ZSCAN1: variants seen among roughly 807,000 people sequenced by gnomAD.
ZSCAN1 encodes zinc finger and SCAN domain containing 1.
In ZSCAN1, 23 loss-of-function variants were observed where a neutral mutation model predicts 23.8. The ratio of observed to expected loss-of-function variants is 0.97; its 90% CI spans 0.70 to 1.37. The LOEUF is 1.37. Among genes scored for constraint, ZSCAN1 ranks in the 40% most tolerant of loss-of-function variants. The pLI is 0.00. For synonymous variants in ZSCAN1, 236 were observed against 232.3 expected (o/e 1.02, Z -0.15); for missense variants, 575 against 554.0 (o/e 1.04, Z -0.38).
chr19:58,040,578 AC>A lies in ZSCAN1; in HGVS notation c.465+38del. On this transcript the variant is annotated intron_variant, in intron 4 of 5. Transcript: ENST00000282326. This position sits in a 1 kb window ranked among gnomAD's most constrained non-coding sequence, Gnocchi z 5.8. The stretch of plus-strand genomic sequence containing the variant: ...GGGGCCCCCAGCTCCGTGCTCCTGC[AC>A]CCCAGGGCATGCGTGCCGCTTCTGG... The A allele has an allele frequency of 6.2e-7, 1 of 1,603,952 alleles. No homozygotes were observed. The highest frequency in any genetic ancestry group is 1.1e-5 in the South Asian group (1 of 90,902).
At chr19:58,034,500 C>T (rs964460851) in intron 1 of ZSCAN1, among the ~76,000 whole-genome samples, 11 of 152,022 alleles carry the variant, frequency 7.2e-5, no homozygotes, top group African/African-American at 2.7e-4. Context: ...TACGTACCCC[C>T]ATTGCCCGCC....
chr19:58,037,147 G>A (rs936748991), intron 2 of ZSCAN1, among the ~76,000 whole-genome samples: 11 of 152,174 alleles, frequency 7.2e-5, no homozygotes, highest in African/African-American at 2.7e-4. Context: ...TGGTGGTGGT[G>A]TCATCCATTA....
intron 4 of ZSCAN1, among the ~76,000 whole-genome samples, chr19:58,042,672 C>T (rs1270373225): frequency 4.6e-5 from 7 of 152,188 alleles, no homozygotes; most frequent in African/African-American, 1.4e-4. Flanking sequence ...TTGTTGGCCA[C>T]GGGCTTCCTC....
Position 58,037,719 on chromosome 19 carries a change from T to C in ZSCAN1, c.-109-9T>C, listed in dbSNP as rs752289069. 1,175 of 1,307,748 alleles carry C rather than the reference T, an allele frequency of 9.0e-4. No individual in the cohort carries two copies. Among genetic ancestry groups the C allele is most frequent in the Non-Finnish European group, 1.1e-3 (1,112 of 986,892 alleles). 81.0% of individuals were successfully genotyped at this position (1,307,748 alleles called of 1,614,324 possible). ...GATGTGACCCCTCTGTCCCTGCCCC[T>C]CTCTGCAGGCCCCTGATTGCTGATT... On this transcript the variant is annotated splice_polypyrimidine_tract_variant and intron_variant, in intron 2 of 5. Coordinates refer to ENST00000282326, the MANE Select transcript of ZSCAN1 (RefSeq NM_182572.4).
At position 58,040,683 on chromosome 19, in the gene ZSCAN1, C is replaced by T; in HGVS notation, c.465+139C>T. On this transcript the variant is annotated intron_variant, in intron 4 of 5. Coordinates refer to ENST00000282326, the MANE Select transcript of ZSCAN1 (RefSeq NM_182572.4). This position sits in a 1 kb window ranked among gnomAD's most constrained non-coding sequence, Gnocchi z 5.8. ...CCCAGGAAGCCCGGCCTCCAAACTC[C>T]CCGCCTGCCCCACAGATTCCCCAAG... 2.6e-6 allele frequency: 2 copies of T among 755,584 alleles called. No individual in the cohort carries two copies. Among genetic ancestry groups the T allele is most frequent in the Non-Finnish European group, 4.3e-6 (2 of 462,468 alleles). The allele number at this position is 755,584 out of a possible 1,614,324, so 46.8% of individuals were successfully genotyped here. A position where few individuals can be genotyped will look rare whatever the true frequency, so the allele number is the denominator to read the frequency against.
rs139461841 is a variant in ZSCAN1, at chr19:58,040,494, G to C, written c.415G>C (p.Gly139Arg). ...GGTCGAACCCCAGGACTGGAGTTTC[G>C]GTGAGGAGGAAGATGGGAAGAGTCC... is the stretch of plus-strand genomic sequence containing the variant. The part of the protein sequence containing the change: ...DSVEPQDWSF[G>R]EEEDGKSPRS... The change falls in exon 4 of 6, where the codon GGT becomes CGT. Residue 139 changes from glycine to arginine, a missense_variant. Gly to Arg is a moderately radical substitution (Grantham distance 125). Transcript: ENST00000282326. This position sits in a 1 kb window ranked among gnomAD's most constrained non-coding sequence, Gnocchi z 5.8. The C allele has an allele frequency of 2.5e-6, 4 of 1,613,614 alleles. No individual in the cohort carries two copies. Among genetic ancestry groups the C allele is most frequent in the Non-Finnish European group, 3.4e-6 (4 of 1,179,978 alleles).
intron 4 of ZSCAN1, among the ~76,000 whole-genome samples, chr19:58,043,098 C>T (rs1386413304): frequency 1.3e-5 from 2 of 152,274 alleles, no homozygotes; most frequent in Non-Finnish European, 2.9e-5. Context: ...CTTTTGAAGT[C>T]GCCGGGGATT....
rs759346196 is a variant in ZSCAN1 at position 58,037,991 on chromosome 19, C to T, written c.155C>T (p.Pro52Leu). 6.8e-6 allele frequency: 11 copies of T among 1,608,556 alleles called. No individual in the cohort carries two copies. The African/African-American group carries it at 1.1e-4, about 16-fold the overall frequency. ...RQFQYHVASGPHLALGQLWTL... is the reference protein window; with the variant it reads ...RQFQYHVASGLHLALGQLWTL... ...TTCCAGTACCACGTGGCGAGCGGGCCGCACCTCGCGCTGGGCCAGCTCTGG... is the reference window on the plus strand; with the variant it reads ...TTCCAGTACCACGTGGCGAGCGGGCTGCACCTCGCGCTGGGCCAGCTCTGG... Residue 52 changes from proline (P) to leucine (L), a missense_variant, in exon 3 of 6, where the codon CCG becomes CTG. Physicochemically the swap from Pro to Leu is moderately conservative, Grantham distance 98. Coordinates refer to ENST00000282326, the MANE Select transcript of ZSCAN1 (RefSeq NM_182572.4).
At chr19:58,052,064 G>C (rs1461860671) in intron 4 of ZSCAN1, among the ~76,000 whole-genome samples, 1 of 152,260 alleles carries the variant, frequency 6.6e-6, no homozygotes, top group Non-Finnish European at 1.5e-5. Flanking sequence ...TGGGGGACGG[G>C]AGTTAGGAGC....
At position 58,053,322 on chromosome 19, in the gene ZSCAN1, C is replaced by G; in HGVS notation, c.605-107C>G. On this transcript the variant is annotated intron_variant, in intron 5 of 5. Coordinates refer to ENST00000282326, the MANE Select transcript of ZSCAN1 (RefSeq NM_182572.4). The surrounding 1 kb of genome is among the most constrained non-coding windows in gnomAD (Gnocchi z 5.8). ...GGGGCCGTATTGAGCAGAGGAAGGG[C>G]CTGGACTTGGCTCAGTCACTGGGGT... The G allele has an allele frequency of 7.0e-7, 1 of 1,420,382 alleles. No individual in the cohort carries two copies. Among genetic ancestry groups the G allele is most frequent in the Non-Finnish European group, 9.5e-7 (1 of 1,048,062 alleles). 88.0% of individuals were successfully genotyped at this position (1,420,382 alleles called of 1,614,324 possible). A position where few individuals can be genotyped will look rare whatever the true frequency, so the allele number is the denominator to read the frequency against.
At chr19:58,042,391 G>A (rs2073796099) in intron 4 of ZSCAN1, among the ~76,000 whole-genome samples, 1 of 151,926 alleles carries the variant, frequency 6.6e-6, no homozygotes, top group African/African-American at 2.4e-5. Context: ...CGGAGTAGCT[G>A]GGACTACAGG....
At chr19:58,035,095 C>T (rs1411064924) in intron 1 of ZSCAN1, among the ~76,000 whole-genome samples, 4 of 152,056 alleles carry the variant, frequency 2.6e-5, no homozygotes, top group Non-Finnish European at 5.9e-5. Flanking sequence ...CTCCAAGTGA[C>T]ACTCTCTCAC....
At chr19:58,037,635 A>G in intron 2 of ZSCAN1, 93 bp from the exon 3 acceptor site, 1 of 569,428 alleles carries the variant, frequency 1.8e-6, no homozygotes, top group South Asian at 3.6e-5. Context: ...GGGGTGCTGG[A>G]GGTCAGAACA....
intron 4 of ZSCAN1, chr19:58,046,261 G>A (rs1599905693): frequency 1.3e-6 from 1 of 779,302 alleles, no homozygotes; most frequent in Non-Finnish European, 2.4e-6. Flanking sequence ...CAGGAAGAAG[G>A]AGGAGCTGGA....
chr19:58,040,401 G>C lies in ZSCAN1; in HGVS notation c.371-49G>C, dbSNP rs376155860. 1 of 1,598,274 alleles carries C rather than the reference G, an allele frequency of 6.3e-7. No individual in the cohort carries two copies. The highest frequency in any genetic ancestry group is 1.3e-5 in the African/African-American group (1 of 74,690). On this transcript the variant is annotated intron_variant, in intron 3 of 5. Transcript: ENST00000282326. This position sits in a 1 kb window ranked among gnomAD's most constrained non-coding sequence, Gnocchi z 5.8. ...CTCCCCAGAAGGCCTGGAGAATTGGGGGCTCTGGGAAGAACAGGCCCCTCT... is the reference window on the plus strand; with the variant it reads ...CTCCCCAGAAGGCCTGGAGAATTGGCGGCTCTGGGAAGAACAGGCCCCTCT...
chr19:58,037,421 G>A (rs1159145853), intron 2 of ZSCAN1, among the ~76,000 whole-genome samples: 1 of 151,556 alleles, frequency 6.6e-6, no homozygotes, highest in Non-Finnish European at 1.5e-5. Context: ...AGAAAGTCAT[G>A]GAGGTTATGA....
intron 4 of ZSCAN1, chr19:58,044,540 G>C: frequency 2.0e-6 from 1 of 507,030 alleles, no homozygotes; most frequent in Non-Finnish European, 3.4e-6. Context: ...CGCGGAGAAG[G>C]AGGAGGAGCC....
At chr19:58,039,636 G>T (rs1030998376) in intron 3 of ZSCAN1, among the ~76,000 whole-genome samples, 2 of 151,946 alleles carry the variant, frequency 1.3e-5, no homozygotes, top group Non-Finnish European at 2.9e-5. Context: ...GCGTGGTGGC[G>T]CGTGCCTATA....
intron 4 of ZSCAN1, among the ~76,000 whole-genome samples, chr19:58,050,740 C>T (rs1433638855): frequency 3.9e-5 from 6 of 152,034 alleles, no homozygotes; most frequent in Non-Finnish European, 8.8e-5. Context: ...TAGATGGTCT[C>T]GATATCCTGA....
Sources: gnomAD v4.1 joint callset for allele counts (sites outside exome capture counted in the v4.1 genomes callset) on GRCh38, gnomAD v4.1.1 for gene constraint, Gnocchi (gnomAD v3.1) non-coding constraint, MANE v1.5 for transcripts, NCBI Gene and HGNC (gene_info 2026-07-23, HGNC 2026-07-21) for gene names.